Variants in TOX observed in about 807,000 individuals in gnomAD.
The protein encoded by TOX is thymocyte selection associated high mobility group box, also known as thymocyte selection-associated high mobility group box protein TOX.
In TOX, 11 loss-of-function variants were observed where a neutral mutation model predicts 53.7. That is an observed-to-expected ratio of 0.20 (90% CI 0.13 to 0.34). TOX has a LOEUF of 0.34. TOX is among the 10% of genes least tolerant of loss of function. TOX has a pLI of 1.00. For synonymous variants in TOX, 225 were observed against 245.3 expected, an observed-to-expected ratio of 0.92 and a Z score of 0.77; for missense variants, 570 against 664.6, an observed-to-expected ratio of 0.86 and a Z score of 1.56.
At chr8:58,948,745 T>C (rs1266810125) in intron 2 of TOX, among the ~76,000 whole-genome samples, 1 of 152,196 alleles carries the variant, frequency 6.6e-6, no homozygotes, top group East Asian at 1.9e-4. Context: ...TCAATTCTCA[T>C]ATTGAGTTCG....
At chr8:58,911,033 T>G (rs1265717679) in intron 3 of TOX, among the ~76,000 whole-genome samples, 1 of 152,226 alleles carries the variant, frequency 6.6e-6, no homozygotes, top group Non-Finnish European at 1.5e-5. Context: ...TGGTAAAATA[T>G]TTCTTAGTTC....
chr8:58,811,674 A>C (rs1293684414), intron 7 of TOX, among the ~76,000 whole-genome samples: 1 of 152,222 alleles, frequency 6.6e-6, no homozygotes, highest in Non-Finnish European at 1.5e-5. Context: ...TTACACAAGG[A>C]AATTGAAAAT....
intron 5 of TOX, among the ~76,000 whole-genome samples, chr8:58,830,210 T>A (rs557685654): frequency 1.7e-4 from 26 of 152,204 alleles, no homozygotes; most frequent in Non-Finnish European, 2.6e-4. Context: ...ACATCATTTA[T>A]CATTTTCCCC....
intron 1 of TOX, among the ~76,000 whole-genome samples, chr8:59,094,952 C>T (rs2129424047): frequency 6.6e-6 from 1 of 152,336 alleles, no homozygotes; most frequent in Admixed American, 6.5e-5. Context: ...CATTGCTACA[C>T]TGGATCCAAA....
chr8:58,806,558 T>C lies in TOX; in HGVS notation c.*1189A>G, dbSNP rs1809979692. Reference sequence around the variant, plus strand: ...CTTGGAGGGCAATTCTGTTATGTCGTATGAAGAAATAAAGTTCTTAAATAT... The same window carrying C: ...CTTGGAGGGCAATTCTGTTATGTCGCATGAAGAAATAAAGTTCTTAAATAT... On this transcript the variant is annotated 3_prime_UTR_variant, in exon 9 of 9. Coordinates refer to ENST00000361421, the MANE Select transcript of TOX (RefSeq NM_014729.3). 6.6e-6 allele frequency: 1 copy of C among 152,482 alleles called. No individual in the cohort carries two copies. The highest frequency in any genetic ancestry group is 2.1e-4 in the South Asian group (1 of 4,826). The allele number at this position is 152,482 out of a possible 1,614,324, so 9.4% of individuals were successfully genotyped here. A position where few individuals can be genotyped will look rare whatever the true frequency, so the allele number is the denominator to read the frequency against.
intron 3 of TOX, among the ~76,000 whole-genome samples, chr8:58,928,104 G>A (rs748118924): frequency 5.3e-5 from 8 of 152,210 alleles, no homozygotes; most frequent in Admixed American, 2.0e-4. Context: ...CCAAGTGAAT[G>A]ATCAGTTCCT....
intron 1 of TOX, among the ~76,000 whole-genome samples, chr8:59,037,652 A>G (rs905659978): frequency 7.6e-4 from 115 of 151,978 alleles, no homozygotes; most frequent in Non-Finnish European, 5.9e-5. Context: ...AAATACAAAA[A>G]TTAGCCGGCC....
At chr8:58,981,279 C>T (rs1046233937) in intron 1 of TOX, among the ~76,000 whole-genome samples, 2 of 152,136 alleles carry the variant, frequency 1.3e-5, no homozygotes, top group African/African-American at 4.8e-5. Flanking sequence ...TACCTTTAAT[C>T]CCTCTACCTC....
intron 3 of TOX, among the ~76,000 whole-genome samples, chr8:58,931,906 A>G (rs180915453): frequency 6.6e-6 from 1 of 152,154 alleles, no homozygotes; most frequent in East Asian, 1.9e-4. Context: ...AGAAAAGAAA[A>G]AGTGTTATTT....
chr8:59,067,082 G>T (rs867581789), intron 1 of TOX, among the ~76,000 whole-genome samples: 3 of 152,030 alleles, frequency 2.0e-5, no homozygotes, highest in African/African-American at 7.3e-5. Flanking sequence ...TCTGCAGACC[G>T]TCTTGCTGCA....
chr8:59,090,426 G>A (rs908133366), intron 1 of TOX, among the ~76,000 whole-genome samples: 1 of 152,206 alleles, frequency 6.6e-6, no homozygotes, highest in Non-Finnish European at 1.5e-5. Context: ...CGGACACGGT[G>A]TGTGTCAGGT....
chr8:59,104,349 C>T (rs374251557), intron 1 of TOX, among the ~76,000 whole-genome samples: 9 of 152,128 alleles, frequency 5.9e-5, no homozygotes, highest in Non-Finnish European at 1.0e-4. Flanking sequence ...CTCCCACTAC[C>T]GAAACCCCAG....
intron 1 of TOX, among the ~76,000 whole-genome samples, chr8:58,979,960 A>C (rs1813171285): frequency 6.6e-6 from 1 of 152,252 alleles, no homozygotes; most frequent in South Asian, 2.1e-4. Context: ...TCTTTACATT[A>C]ACTTTATCAT....
chr8:58,957,318 T>C (rs570090063), intron 2 of TOX, among the ~76,000 whole-genome samples: 1 of 152,328 alleles, frequency 6.6e-6, no homozygotes, highest in African/African-American at 2.4e-5. Context: ...ATTCCAAGAA[T>C]GGTGCCAGAG....
At chr8:58,877,231 A>G (rs1274613488) in intron 3 of TOX, among the ~76,000 whole-genome samples, 1 of 152,162 alleles carries the variant, frequency 6.6e-6, no homozygotes, top group African/African-American at 2.4e-5. Flanking sequence ...TGATGTATCT[A>G]GGTGGTCTAT....
intron 1 of TOX, among the ~76,000 whole-genome samples, chr8:59,087,369 A>G (rs1804530504): frequency 2.6e-5 from 4 of 152,210 alleles, no homozygotes; most frequent in Admixed American, 2.6e-4. Flanking sequence ...ATTTTGTTTC[A>G]CATGTTTGGA....
chr8:59,068,133 C>A (rs767725893), intron 1 of TOX, among the ~76,000 whole-genome samples: 4 of 152,112 alleles, frequency 2.6e-5, no homozygotes, highest in Non-Finnish European at 5.9e-5. Context: ...TGCTAAAATT[C>A]TTGCATATTT....
At chr8:58,924,703 C>T (rs1016122782) in intron 3 of TOX, among the ~76,000 whole-genome samples, 24 of 152,196 alleles carry the variant, frequency 1.6e-4, no homozygotes, top group South Asian at 8.3e-4. Flanking sequence ...TTGTGATCCA[C>T]GATTCAGAGT....
intron 1 of TOX, among the ~76,000 whole-genome samples, chr8:59,007,536 A>T (rs2129418517): frequency 6.6e-6 from 1 of 152,350 alleles, no homozygotes; most frequent in African/African-American, 2.4e-5. Context: ...ATGGAAATCA[A>T]TGAAGACATT....
Sources: gnomAD v4.1 joint callset for allele counts (sites outside exome capture counted in the v4.1 genomes callset) on GRCh38, gnomAD v4.1.1 for gene constraint, MANE v1.5 for transcripts, NCBI Gene and HGNC (gene_info 2026-07-23, HGNC 2026-07-21) for gene names.